CHD9: variants seen among roughly 807,000 people sequenced by gnomAD.
CHD9 encodes the protein ATP-dependent chromatin remodeler CHD9.
A neutral mutation model predicts 316.1 loss-of-function variants in CHD9; 77 were observed. The observed-to-expected ratio is 0.24, with a 90% CI of 0.20 to 0.29. CHD9 has a LOEUF of 0.29. Ranked by LOEUF, CHD9 falls within the 10% of genes least tolerant of loss-of-function variation. The probability of loss-of-function intolerance (pLI) is 1.00; values close to 1 mark genes in which losing one functional copy is unlikely to be tolerated. For synonymous variants in CHD9, 1,129 were observed against 1,158.3 expected (o/e 0.97, Z 0.51); for missense variants, 2,763 against 3,438.1 (o/e 0.80, Z 4.91).
At chr16:53,234,688 C>T (rs1255088373) in intron 10 of CHD9, among the ~76,000 whole-genome samples, 1 of 151,854 alleles carries the variant, frequency 6.6e-6, no homozygotes, top group African/African-American at 2.4e-5. Flanking sequence ...GCGATCCTCC[C>T]CACTTGGCCT....
chr16:53,131,078 C>CCGCTGCCACCCACCGCCCGG (rs1267029836), intron 1 of CHD9: 8 of 156,852 alleles, frequency 5.1e-5, no homozygotes, highest in African/African-American at 1.9e-4. Context: ...GCCGCCGCCG[C>CCGCTGCCACCCACCGCCCGG]CGCTGCCACC....
At chr16:53,223,859 G>T (rs1265111474) in intron 4 of CHD9, among the ~76,000 whole-genome samples, 1 of 151,926 alleles carries the variant, frequency 6.6e-6, no homozygotes, top group African/African-American at 2.4e-5. Flanking sequence ...ATGATGGAAA[G>T]ATCCATGTAG....
At chr16:53,146,436 T>TATATATAA (rs1385131635) in intron 1 of CHD9, among the ~76,000 whole-genome samples, 19 of 130,930 alleles carry the variant, frequency 1.5e-4, no homozygotes, top group African/African-American at 5.7e-4. Flanking sequence ...TATATATATA[T>TATATATAA]AATTAAAAAG....
chr16:53,144,364 A>G (rs2040390749), intron 1 of CHD9, among the ~76,000 whole-genome samples: 1 of 152,198 alleles, frequency 6.6e-6, no homozygotes, highest in Non-Finnish European at 1.5e-5. Flanking sequence ...TCACATATTC[A>G]GTTACTACCA....
At chr16:53,152,249 A>C (rs2041182873) in intron 1 of CHD9, among the ~76,000 whole-genome samples, 1 of 152,160 alleles carries the variant, frequency 6.6e-6, no homozygotes, top group South Asian at 2.1e-4. Context: ...CAGTGTTTTA[A>C]TACAGATTTC....
intron 1 of CHD9, among the ~76,000 whole-genome samples, chr16:53,103,508 A>G (rs2037070041): frequency 6.6e-6 from 1 of 152,192 alleles, no homozygotes; most frequent in Non-Finnish European, 1.5e-5. Context: ...TGTGCCCAGC[A>G]CTTTATATAT....
chr16:53,314,603 A>T (rs1299854165), intron 35 of CHD9, 87 bp downstream of exon 35: 1 of 1,165,682 alleles, frequency 8.6e-7, no homozygotes, highest in Non-Finnish European at 1.2e-6. Flanking sequence ...TGAATGTTTT[A>T]TAGACTATTA....
intron 1 of CHD9, chr16:53,121,487 G>A (rs972525264): frequency 4.8e-5 from 22 of 453,962 alleles, no homozygotes; most frequent in Non-Finnish European, 7.1e-5. Flanking sequence ...CTGTAAAGTA[G>A]GATCATGCTT....
intron 2 of CHD9, among the ~76,000 whole-genome samples, chr16:53,204,369 G>C (rs541830007): frequency 6.6e-6 from 1 of 152,274 alleles, no homozygotes; most frequent in African/African-American, 2.4e-5. Context: ...CACCAGAGGA[G>C]AAAGGACCTA....
chr16:53,089,332 A>G (rs1373663728), intron 1 of CHD9, among the ~76,000 whole-genome samples: 4 of 152,196 alleles, frequency 2.6e-5, no homozygotes, highest in African/African-American at 9.6e-5. Flanking sequence ...ATAGATACTA[A>G]TGGCAAAACT....
chr16:53,103,948 G>A (rs2037104398), intron 1 of CHD9, among the ~76,000 whole-genome samples: 1 of 152,138 alleles, frequency 6.6e-6, no homozygotes, highest in African/African-American at 2.4e-5. Context: ...ACACAAATAT[G>A]TTGATTTCCT....
At chr16:53,055,440 G>A (rs1252880957) in intron 1 of CHD9, among the ~76,000 whole-genome samples, 1 of 151,954 alleles carries the variant, frequency 6.6e-6, no homozygotes, top group African/African-American at 2.4e-5. Flanking sequence ...TTGTCTGCCC[G>A]TTGGCGTTGC....
At chr16:53,141,622 A>T (rs1049903365) in intron 1 of CHD9, among the ~76,000 whole-genome samples, 2 of 152,218 alleles carry the variant, frequency 1.3e-5, no homozygotes, top group African/African-American at 4.8e-5. Context: ...GCATTATTGA[A>T]TTCCTGAAAG....
intron 19 of CHD9, among the ~76,000 whole-genome samples, chr16:53,262,485 G>A (rs895898334): frequency 1.3e-5 from 2 of 152,024 alleles, no homozygotes; most frequent in African/African-American, 4.8e-5. Flanking sequence ...GTGTGTGTTT[G>A]GGAAAAGAGT....
intron 37 of CHD9, chr16:53,321,057 CTT>C (rs2057239583): frequency 1.3e-5 from 5 of 374,190 alleles, no homozygotes; most frequent in South Asian, 4.4e-5. Context: ...CATATAATAA[CTT>C]ATATTTATTA....
intron 19 of CHD9, among the ~76,000 whole-genome samples, chr16:53,257,965 G>A (rs1001048720): frequency 6.6e-6 from 1 of 152,022 alleles, no homozygotes; most frequent in Non-Finnish European, 1.5e-5. Context: ...TCAAAAGGTG[G>A]TCATGGTTAC....
At chr16:53,217,956 CTTTT>C (rs1007751418) in intron 3 of CHD9, among the ~76,000 whole-genome samples, 35 of 115,780 alleles carry the variant, frequency 3.0e-4, no homozygotes, top group African/African-American at 1.2e-3. Context: ...TTCTTTCTTT[CTTTT>C]TTTTTTTAAT....
At chr16:53,057,669 A>G (rs188131126) in intron 1 of CHD9, among the ~76,000 whole-genome samples, 10 of 152,272 alleles carry the variant, frequency 6.6e-5, no homozygotes, top group Non-Finnish European at 5.9e-5. Context: ...AAAAAAAAGA[A>G]AGAAAAAAGA....
rs1013649774 is a variant in CHD9, at chr16:53,304,028, C to T, written c.6022C>T (p.His2008Tyr). The change falls in exon 31 of 39, where the codon CAT becomes TAT. Residue 2008 changes from histidine to tyrosine, a missense_variant. His to Tyr is a moderately conservative substitution (Grantham distance 83). Coordinates refer to ENST00000447540, the MANE Select transcript of CHD9 (RefSeq NM_001308319.2). ...QRNYSQSKMA[H>Y]SRTSTPLLQQ... The stretch of plus-strand genomic sequence containing the variant: ...GAACTACAGTCAAAGTAAGATGGCT[C>T]ATTCAAGGACTTCTACCCCACTTCT... The T allele has an allele frequency of 6.2e-7, 1 of 1,614,008 alleles. No homozygotes were observed. Among genetic ancestry groups the T allele is most frequent in the South Asian group, 1.1e-5 (1 of 91,072 alleles).
Sources: gnomAD v4.1 joint callset for allele counts (sites outside exome capture counted in the v4.1 genomes callset) on GRCh38, gnomAD v4.1.1 for gene constraint, MANE v1.5 for transcripts, NCBI Gene and HGNC (gene_info 2026-07-23, HGNC 2026-07-21) for gene names.